The following PCDHGA2 variants were observed in gnomAD, a reference collection of about 807,000 sequenced individuals.
PCDHGA2 encodes the protein protocadherin gamma-A2.
A neutral mutation model predicts 59.2 loss-of-function variants in PCDHGA2; 40 were observed. The observed-to-expected ratio is 0.68, with a 90% confidence interval of 0.52 to 0.88. The LOEUF is 0.88. PCDHGA2 is among the 40% of genes least tolerant of loss of function. PCDHGA2 has a pLI of 0.00. For synonymous variants in PCDHGA2, 560 were observed against 526.0 expected (o/e 1.06, Z -0.89); for missense variants, 1,226 against 1,204.0 (o/e 1.02, Z -0.27).
intron 1 of PCDHGA2, among the ~76,000 whole-genome samples, chr5:141,363,859 G>A (rs997046368): frequency 3.9e-5 from 6 of 152,132 alleles, no homozygotes; most frequent in Non-Finnish European, 8.8e-5. Flanking sequence ...ACTAAATATA[G>A]ATAAGAGGTA....
At chr5:141,482,570 C>A (rs2099568543) in intron 1 of PCDHGA2, among the ~76,000 whole-genome samples, 1 of 144,954 alleles carries the variant, frequency 6.9e-6, no homozygotes, top group African/African-American at 2.6e-5. Context: ...ATCTGCATAG[C>A]ATAAGATGCA....
Position 141,476,855 on chromosome 5 carries a change from T to C in PCDHGA2, c.2425-17952T>C, listed in dbSNP as rs149491772. The C allele has an allele frequency of 3.2e-4, 519 of 1,613,836 alleles. 3 individuals carry two copies. The African/African-American group carries it at 6.2e-3, about 19-fold the overall frequency. Reference sequence around the variant, plus strand: ...TGACAATGCGCCTGTCTTCAACCAGTCCTTGTACCGGGCGCGCGTCCTGGA... The same window carrying C: ...TGACAATGCGCCTGTCTTCAACCAGCCCTTGTACCGGGCGCGCGTCCTGGA... On this transcript the variant is annotated intron_variant, in intron 1 of 3. Coordinates refer to ENST00000394576, the MANE Select transcript of PCDHGA2 (RefSeq NM_018915.4). This position sits in a 1 kb window ranked among gnomAD's most constrained non-coding sequence, Gnocchi z 7.6.
At position 141,486,622 on chromosome 5, in the gene PCDHGA2, C is replaced by T. The variant is rs1320329216; in HGVS notation, c.2425-8185C>T. On this transcript the variant is annotated intron_variant, in intron 1 of 3. Coordinates refer to ENST00000394576, the MANE Select transcript of PCDHGA2 (RefSeq NM_018915.4). The surrounding 1 kb of genome is among the most constrained non-coding windows in gnomAD (Gnocchi z 5.0). ...GCTCCCTTGCAGCCTCTGACCCAGACTCTGGCTTGAATGCGCTTATCTCCT... is the reference window on the plus strand; with the variant it reads ...GCTCCCTTGCAGCCTCTGACCCAGATTCTGGCTTGAATGCGCTTATCTCCT... 6.2e-7 allele frequency: 1 copy of T among 1,613,574 alleles called. No individual in the cohort carries two copies. The highest frequency in any genetic ancestry group is 8.5e-7 in the Non-Finnish European group (1 of 1,180,042).
chr5:141,416,378 A>C (rs2096019434), intron 1 of PCDHGA2: 1 of 152,230 alleles, frequency 6.6e-6, no homozygotes, highest in South Asian at 2.1e-4. Flanking sequence ...GAAATTAAGA[A>C]TATTTGGGAT....
At chr5:141,399,123 T>C (rs1221457638) in intron 1 of PCDHGA2, 12 of 1,613,828 alleles carry the variant, frequency 7.4e-6, no homozygotes, top group East Asian at 2.2e-5. Context: ...TTGAAATTAA[T>C]ATTCAAGATG....
At chr5:141,471,660 A>G (rs1010236543) in intron 1 of PCDHGA2, 12 of 152,184 alleles carry the variant, frequency 7.9e-5, no homozygotes, top group Non-Finnish European at 1.8e-4. Flanking sequence ...GTGGGGATGC[A>G]GAAAAAAATA....
chr5:141,394,447 A>T, intron 1 of PCDHGA2: 1 of 1,614,248 alleles, frequency 6.2e-7, no homozygotes, highest in Non-Finnish European at 8.5e-7. Flanking sequence ...CTCAGCAGCA[A>T]CATGTCACTG....
intron 1 of PCDHGA2, chr5:141,395,537 ATTGT>A (rs1179408656): frequency 3.7e-5 from 9 of 243,938 alleles, no homozygotes; most frequent in Admixed American, 8.6e-5. Context: ...TAATTTTGCT[ATTGT>A]TTGTGTGTGT....
intron 1 of PCDHGA2, among the ~76,000 whole-genome samples, chr5:141,484,045 G>A (rs934525987): frequency 7.9e-5 from 12 of 152,026 alleles, no homozygotes; most frequent in African/African-American, 2.9e-4. Context: ...AGCTCCAAGA[G>A]GTCCCCTGGG....
chr5:141,431,126 G>A lies in PCDHGA2; in HGVS notation c.2425-63681G>A, dbSNP rs2097344901. The A allele has an allele frequency of 2.5e-6, 4 of 1,614,114 alleles. No individual in the cohort carries two copies. Among genetic ancestry groups the A allele is most frequent in the Non-Finnish European group, 3.4e-6 (4 of 1,180,038 alleles). On this transcript the variant is annotated intron_variant, in intron 1 of 3. Coordinates refer to ENST00000394576, the MANE Select transcript of PCDHGA2 (RefSeq NM_018915.4). The surrounding 1 kb of genome is among the most constrained non-coding windows in gnomAD (Gnocchi z 4.8). ...GAAAATATATGGAGTAGAAGTAGAA[G>A]TAAGGGACATTAACGACAATGCGCC... is the stretch of plus-strand genomic sequence containing the variant.
rs139317352 is a variant in PCDHGA2 at position 141,340,624 on chromosome 5, C to G, written c.1653C>G (p.Phe551Leu). ...GTAGCAATGTATCATTAAGCCTGTT[C>G]GTGCTGGACCAGAACGACAACGCGC... ...PLSSNVSLSL[F>L]VLDQNDNAPE... Residue 551 changes from phenylalanine (F) to leucine (L), a missense_variant, in exon 1 of 4, where the codon TTC becomes TTG. By Grantham distance (22) the Phe-to-Leu change is conservative. Coordinates refer to ENST00000394576, the MANE Select transcript of PCDHGA2 (RefSeq NM_018915.4). 139 of 1,614,120 alleles carry G rather than the reference C, an allele frequency of 8.6e-5. No homozygotes were observed. Among genetic ancestry groups the G allele is most frequent in the Middle Eastern group, 6.6e-4 (4 of 6,084 alleles).
intron 1 of PCDHGA2, chr5:141,378,088 T>A (rs1218204650): frequency 6.6e-6 from 1 of 152,252 alleles, no homozygotes; most frequent in African/African-American, 2.4e-5. Context: ...TTATAACTTT[T>A]TTTCAAACTC....
rs1330469043 is a variant in PCDHGA2 at position 141,491,537 on chromosome 5, C to A, written c.2425-3270C>A. On this transcript the variant is annotated intron_variant, in intron 1 of 3. Transcript: ENST00000394576. This position sits in a 1 kb window ranked among gnomAD's most constrained non-coding sequence, Gnocchi z 6.9. ...AAGTACATGGAGGTGACGCTGCGGCCCACAGACTCGCAGAGCCACTGCTAC... is the reference window on the plus strand; with the variant it reads ...AAGTACATGGAGGTGACGCTGCGGCACACAGACTCGCAGAGCCACTGCTAC... The A allele has an allele frequency of 6.2e-7, 1 of 1,613,908 alleles. No homozygotes were observed. Among genetic ancestry groups the A allele is most frequent in the African/African-American group, 1.3e-5 (1 of 74,920 alleles).
chr5:141,346,095 G>T (rs1247452156), intron 1 of PCDHGA2: 16 of 1,613,658 alleles, frequency 9.9e-6, no homozygotes, highest in Non-Finnish European at 1.4e-5. Flanking sequence ...CAACGATTCG[G>T]ACCTCACTCT....
At chr5:141,501,516 C>A (rs763346187) in intron 2 of PCDHGA2, among the ~76,000 whole-genome samples, 1 of 152,010 alleles carries the variant, frequency 6.6e-6, no homozygotes, top group Non-Finnish European at 1.5e-5. Flanking sequence ...GGCCTCCAAG[C>A]TGAAGCCCAG....
intron 1 of PCDHGA2, among the ~76,000 whole-genome samples, chr5:141,445,720 G>T (rs2098475440): frequency 6.6e-6 from 1 of 152,158 alleles, no homozygotes; most frequent in Non-Finnish European, 1.5e-5. Flanking sequence ...AGAGGAAATA[G>T]CATGTGTAAA....
rs2099401367 is a variant in PCDHGA2 at position 141,476,906 on chromosome 5, G to C, written c.2425-17901G>C. ...GGATGCACCCTCCGGCACGCGCGTG[G>C]TACAAGTCCTTGCAACGGATCTGGA... is the stretch of plus-strand genomic sequence containing the variant. On this transcript the variant is annotated intron_variant, in intron 1 of 3. Coordinates refer to ENST00000394576, the MANE Select transcript of PCDHGA2 (RefSeq NM_018915.4). The surrounding 1 kb of genome is among the most constrained non-coding windows in gnomAD (Gnocchi z 7.6). 2 of 1,614,050 alleles carry C rather than the reference G, an allele frequency of 1.2e-6. No homozygotes were observed. The highest frequency in any genetic ancestry group is 1.7e-6 in the Non-Finnish European group (2 of 1,180,044).
intron 1 of PCDHGA2, chr5:141,360,941 G>T: frequency 6.2e-7 from 1 of 1,613,946 alleles, no homozygotes. Context: ...GCCACCGACC[G>T]GGATGAAGGC....
chr5:141,438,308 C>G (rs2097949954), intron 1 of PCDHGA2, among the ~76,000 whole-genome samples: 1 of 151,766 alleles, frequency 6.6e-6, no homozygotes, highest in Non-Finnish European at 1.5e-5. Context: ...GAAGTTGGTA[C>G]CACCATAATT....
Sources: gnomAD v4.1 joint callset for allele counts (sites outside exome capture counted in the v4.1 genomes callset) on GRCh38, gnomAD v4.1.1 for gene constraint, Gnocchi (gnomAD v3.1) non-coding constraint, MANE v1.5 for transcripts, NCBI Gene and HGNC (gene_info 2026-07-23, HGNC 2026-07-21) for gene names.